Variants in BRDT observed in about 807,000 individuals in gnomAD.
BRDT encodes the protein bromodomain testis-specific protein.
In BRDT, 77 loss-of-function variants were observed where a neutral mutation model predicts 113.9. The ratio of observed to expected loss-of-function variants is 0.68; its 90% CI spans 0.56 to 0.82. The LOEUF is 0.82. Ranked by LOEUF, BRDT falls within the 40% of genes least tolerant of loss-of-function variation. The pLI is 0.00. For missense variants in BRDT, 1,027 were observed against 1,105.4 expected (o/e 0.93, Z 1.01); for synonymous variants, 358 against 366.5 (o/e 0.98, Z 0.26).
chr1:91,979,547 A>G (rs754667217), intron 7 of BRDT, 22 bp from the exon 8 acceptor site: 2 of 1,596,760 alleles, frequency 1.3e-6, no homozygotes, highest in Non-Finnish European at 8.5e-7. Flanking sequence ...GAAAACCATA[A>G]CAAACTAATT....
In BRDT at chr1:92,005,131, T is replaced by C; in HGVS notation, c.2607T>C (p.Asn869=). The change falls in exon 18 of 19, where the codon AAT becomes AAC. Residue 869 remains asparagine, a synonymous_variant. Coordinates refer to ENST00000399546, the MANE Select transcript of BRDT (RefSeq NM_207189.4). ...ASQENQRDLG[N]GLTVESFSNK... is the part of the protein sequence containing the mutation. ...TTTTTTCTTTAAGGGATCTTGGGAA[T>C]GGATTGACTGTAGAATCTTTTTCAA... 3.3e-6 allele frequency: 5 copies of C among 1,496,648 alleles called. No homozygotes were observed. The highest frequency in any genetic ancestry group is 4.4e-6 in the Non-Finnish European group (5 of 1,128,156). 92.7% of individuals were successfully genotyped at this position (1,496,648 alleles called of 1,614,324 possible).
intron 2 of BRDT, among the ~76,000 whole-genome samples, chr1:91,964,019 G>A (rs1682789874): frequency 1.3e-5 from 2 of 151,944 alleles, no homozygotes; most frequent in Admixed American, 1.3e-4. Flanking sequence ...AGACAGGCAT[G>A]TGCCAGCACA....
intron 1 of BRDT, among the ~76,000 whole-genome samples, chr1:91,958,602 T>A (rs1195984415): frequency 6.6e-6 from 1 of 152,148 alleles, no homozygotes; most frequent in African/African-American, 2.4e-5. Context: ...CTTAAGGACA[T>A]CTTAGTTATT....
chr1:91,992,168 A>G, intron 13 of BRDT, 96 bp from the exon 14 acceptor site: 1 of 598,344 alleles, frequency 1.7e-6, no homozygotes, highest in Non-Finnish European at 2.6e-6. Flanking sequence ...AATAAATAAT[A>G]CTGTCTTAAA....
Position 91,981,103 on chromosome 1 carries a change from C to G in BRDT, c.1675C>G (p.Leu559Val), listed in dbSNP as rs758096586. The G allele has an allele frequency of 1.2e-6, 2 of 1,614,020 alleles. No individual in the cohort carries two copies. The highest frequency in any genetic ancestry group is 8.5e-7 in the Non-Finnish European group (1 of 1,179,960). Residue 559 changes from leucine (L) to valine (V), a missense_variant, in exon 10 of 19, where the codon CTG becomes GTG. Physicochemically the swap from Leu to Val is conservative, Grantham distance 32 (BLOSUM62 1). Transcript: ENST00000399546. Reference protein sequence around the residue: ...PDEIEIDFETLKASTLRELEK... With the variant: ...PDEIEIDFETVKASTLRELEK... ...TGAGATAGAGATAGACTTTGAAACA[C>G]TGAAAGCATCAACACTAAGAGAATT... is the stretch of plus-strand genomic sequence containing the variant.
chr1:91,996,341 C>T (rs1368145263), intron 15 of BRDT, among the ~76,000 whole-genome samples: 5 of 152,116 alleles, frequency 3.3e-5, no homozygotes, highest in Non-Finnish European at 7.4e-5. Flanking sequence ...CTCTGCCTCC[C>T]GGGTTCAAGC....
At chr1:92,011,308 A>G (rs548759076) in intron 18 of BRDT, among the ~76,000 whole-genome samples, 59 of 152,360 alleles carry the variant, frequency 3.9e-4, no homozygotes, top group African/African-American at 1.4e-3. Flanking sequence ...ACTAGCAAAT[A>G]GCCACATAGG....
chr1:91,953,103 C>T (rs1681305908), intron 1 of BRDT, among the ~76,000 whole-genome samples: 1 of 142,568 alleles, frequency 7.0e-6, no homozygotes, highest in African/African-American at 2.6e-5. Flanking sequence ...CCTCCCCCCT[C>T]CCTCCACCCC....
Position 91,979,698 on chromosome 1 carries a change from A to G in BRDT, c.1228A>G (p.Asn410Asp). The G allele has an allele frequency of 6.2e-7, 1 of 1,613,942 alleles. No individual in the cohort carries two copies. The highest frequency in any genetic ancestry group is 8.5e-7 in the Non-Finnish European group (1 of 1,179,986). Residue 410 changes from asparagine (N) to aspartate (D), a missense_variant, in exon 8 of 19, where the codon AAC becomes GAC. Transcript: ENST00000399546. ...ENTNEASSEGNSSDDSEDERV... is the reference protein window; with the variant it reads ...ENTNEASSEGDSSDDSEDERV... ...CACTAATGAAGCCTCCTCTGAAGGG[A>G]ACTCTTCTGATGATTCTGAAGATGA...
At chr1:91,954,056 C>T (rs1355712600) in intron 1 of BRDT, among the ~76,000 whole-genome samples, 1 of 152,098 alleles carries the variant, frequency 6.6e-6, no homozygotes, top group Non-Finnish European at 1.5e-5. Context: ...ACTGCAACCT[C>T]CCCCTCCGGG....
At position 91,963,090 on chromosome 1, in the gene BRDT, G is replaced by A. The variant is rs1020696545; in HGVS notation, c.192+144G>A. The stretch of plus-strand genomic sequence containing the variant: ...TATAATCCCAGCACTTTGGGAGGCC[G>A]AGGTGGGGAGATCACCTGAGGTCGG... On this transcript the variant is annotated intron_variant, in intron 2 of 18. Transcript: ENST00000399546. 9 of 540,700 alleles carry A rather than the reference G, an allele frequency of 1.7e-5. No homozygotes were observed. In the African/African-American group the frequency reaches 1.8e-4, roughly 11 times the overall value. The allele number at this position is 540,700 out of a possible 1,614,324, so 33.5% of individuals were successfully genotyped here. A position where few individuals can be genotyped will look rare whatever the true frequency, so the allele number is the denominator to read the frequency against.
In BRDT at chr1:91,992,293, A is replaced by G; in HGVS notation, c.2094A>G (p.Glu698=). Residue 698 remains glutamate (E), a synonymous_variant, in exon 14 of 19, where the codon GAA becomes GAG. Transcript: ENST00000399546. ...TGAAGAATGAATGCATACCGCCTGA[A>G]GGAAGAACAGGCGTCACACAGGTAA... ...KKMKNECIPP[E]GRTGVTQIGY... 6.6e-7 allele frequency: 1 copy of G among 1,517,036 alleles called. No individual in the cohort carries two copies. Among genetic ancestry groups the G allele is most frequent in the South Asian group, 1.3e-5 (1 of 75,514 alleles). The allele number at this position is 1,517,036 out of a possible 1,614,324, so 94.0% of individuals were successfully genotyped here. A position where few individuals can be genotyped will look rare whatever the true frequency, so the allele number is the denominator to read the frequency against.
At chr1:91,967,864 G>A (rs991726045) in intron 3 of BRDT, among the ~76,000 whole-genome samples, 1 of 152,194 alleles carries the variant, frequency 6.6e-6, no homozygotes, top group Non-Finnish European at 1.5e-5. Flanking sequence ...GTTTGATTTA[G>A]TAGGATTGCT....
intron 15 of BRDT, among the ~76,000 whole-genome samples, chr1:91,998,467 C>T (rs1008427225): frequency 2.0e-5 from 3 of 152,172 alleles, no homozygotes; most frequent in Admixed American, 6.5e-5. Flanking sequence ...GCACATTCTG[C>T]GCATGTATCC....
chr1:91,968,254 A>G lies in BRDT; in HGVS notation c.439A>G (p.Lys147Glu). Residue 147 changes from lysine (K) to glutamate (E), a missense_variant, in exon 4 of 19, where the codon AAG becomes GAG. Physicochemically the swap from Lys to Glu is moderately conservative, Grantham distance 56. Coordinates refer to ENST00000399546, the MANE Select transcript of BRDT (RefSeq NM_207189.4). Reference protein sequence around the residue: ...EQVVGVKERIKKGTQQNIAVS... With the variant: ...EQVVGVKERIEKGTQQNIAVS... ...AGTTGTGGGTGTTAAGGAAAGAATC[A>G]AGAAAGGTAAGGCAGGAGGTAAACA... The G allele has an allele frequency of 6.2e-7, 1 of 1,614,054 alleles. No individual in the cohort carries two copies. Among genetic ancestry groups the G allele is most frequent in the Non-Finnish European group, 8.5e-7 (1 of 1,179,966 alleles).
chr1:91,972,806 T>G (rs1683754400), intron 4 of BRDT, among the ~76,000 whole-genome samples: 1 of 152,168 alleles, frequency 6.6e-6, no homozygotes, highest in African/African-American at 2.4e-5. Context: ...GATTCCTAAG[T>G]TTTAGAGAGT....
chr1:91,995,328 CA>C (rs1389100612), intron 15 of BRDT, among the ~76,000 whole-genome samples: 1 of 151,896 alleles, frequency 6.6e-6, no homozygotes, highest in Non-Finnish European at 1.5e-5. Context: ...TGTTTTGCTG[CA>C]ACACAGATTA....
At chr1:91,987,458 T>A (rs369004064) in intron 12 of BRDT, among the ~76,000 whole-genome samples, 2 of 151,978 alleles carry the variant, frequency 1.3e-5, no homozygotes, top group African/African-American at 4.8e-5. Flanking sequence ...CTCAGCCTCC[T>A]GTGTAGCTGG....
chr1:91,971,952 C>G lies in BRDT; in HGVS notation c.445+3692C>G, dbSNP rs80027835. On this transcript the variant is annotated intron_variant, in intron 4 of 18. Transcript: ENST00000399546. ...AGTCTCATTACCCTATAAACTTGCT[C>G]TAGTATCTCATCTTTAAAATACTCC... 2.7e-3 allele frequency among the ~76,000 whole-genome samples: 411 copies of G among 151,890 alleles called. 1 individual carries two copies. Among genetic ancestry groups the G allele is most frequent in the Non-Finnish European group, 5.1e-3 (345 of 67,942 alleles).
Sources: allele counts gnomAD v4.1 joint callset (sites outside exome capture counted in the v4.1 genomes callset), GRCh38; gene constraint gnomAD v4.1.1; transcripts MANE v1.5; gene names NCBI Gene and HGNC (gene_info 2026-07-23, HGNC 2026-07-21).